The following BICDL1 variants were observed in gnomAD, a reference collection of about 807,000 sequenced individuals.
The protein encoded by BICDL1 is BICD family-like cargo adapter 1.
A neutral mutation model predicts 76.8 loss-of-function variants in BICDL1; 20 were observed. The observed-to-expected ratio is 0.26, with a 90% CI of 0.18 to 0.38. The LOEUF (loss-of-function observed/expected upper bound fraction) is 0.38. BICDL1 is among the 10% of genes least tolerant of loss of function. The pLI is 1.00. For synonymous variants in BICDL1, 383 were observed against 337.1 expected, an observed-to-expected ratio of 1.14 and a Z score of -1.49; for missense variants, 700 against 798.6, an observed-to-expected ratio of 0.88 and a Z score of 1.49.
intron 8 of BICDL1, among the ~76,000 whole-genome samples, chr12:120,081,642 C>T (rs1873999251): frequency 6.6e-6 from 1 of 151,962 alleles, no homozygotes; most frequent in Admixed American, 6.5e-5. Flanking sequence ...AGCCACCACA[C>T]CCGGCCTCCA....
chr12:120,014,273 G>A (rs1275601703), intron 2 of BICDL1, among the ~76,000 whole-genome samples: 1 of 152,166 alleles, frequency 6.6e-6, no homozygotes, highest in Non-Finnish European at 1.5e-5. Context: ...AAGTCAACTC[G>A]AAGCCTTGCA....
chr12:120,008,573 G>T (rs561770258), intron 2 of BICDL1, among the ~76,000 whole-genome samples: 1 of 152,176 alleles, frequency 6.6e-6, no homozygotes, highest in Non-Finnish European at 1.5e-5. Context: ...TTGGCTTTTT[G>T]TAAATCTTCC....
At chr12:120,081,139 C>A (rs551736899) in intron 8 of BICDL1, 122 bp downstream of exon 8, 25,364 of 960,692 alleles carry the variant, frequency 0.026, 456 homozygotes, top group Non-Finnish European at 0.033. Flanking sequence ...AGTTTCCCCG[C>A]TACCCACCCC....
intron 2 of BICDL1, among the ~76,000 whole-genome samples, chr12:120,026,435 T>TC (rs1310096445): frequency 6.6e-6 from 1 of 152,100 alleles, no homozygotes; most frequent in East Asian, 1.9e-4. Flanking sequence ...TAAGTGAAGT[T>TC]CTAAAAAAAA....
chr12:120,085,042 G>A (rs971106927), intron 8 of BICDL1, among the ~76,000 whole-genome samples: 1 of 151,992 alleles, frequency 6.6e-6, no homozygotes, highest in African/African-American at 2.4e-5. Context: ...ATGTCATGGT[G>A]TCTGTCAGTT....
intron 7 of BICDL1, among the ~76,000 whole-genome samples, chr12:120,077,649 C>T (rs955006480): frequency 6.6e-6 from 1 of 152,182 alleles, no homozygotes; most frequent in Non-Finnish European, 1.5e-5. Context: ...GGGCTTCACT[C>T]GCCAAATCTG....
intron 8 of BICDL1, among the ~76,000 whole-genome samples, chr12:120,086,871 CA>C: frequency 6.6e-6 from 1 of 152,352 alleles, no homozygotes; most frequent in Non-Finnish European, 1.5e-5. Flanking sequence ...CCTTGGTGAG[CA>C]AATGTCCCAA....
chr12:120,059,101 A>AT (rs1393378485), intron 2 of BICDL1, among the ~76,000 whole-genome samples: 7 of 149,398 alleles, frequency 4.7e-5, no homozygotes. Flanking sequence ...ATTTTTTTTA[A>AT]TTTTTTCTTT....
intron 2 of BICDL1, among the ~76,000 whole-genome samples, chr12:120,041,824 G>A (rs1952648509): frequency 6.6e-6 from 1 of 152,152 alleles, no homozygotes; most frequent in South Asian, 2.1e-4. Context: ...CAGTATGAGT[G>A]GAACAAAGAG....
intron 1 of BICDL1, among the ~76,000 whole-genome samples, chr12:119,991,805 T>A (rs1951529939): frequency 6.6e-6 from 1 of 152,242 alleles, no homozygotes; most frequent in African/African-American, 2.4e-5. Context: ...TTACATACAT[T>A]CTGGGTTCCA....
chr12:120,025,339 C>G (rs558794838), intron 2 of BICDL1, among the ~76,000 whole-genome samples: 5 of 152,074 alleles, frequency 3.3e-5, no homozygotes, highest in African/African-American at 1.2e-4. Flanking sequence ...CGTGAACCAC[C>G]GCGCCCGGCC....
At chr12:120,074,677 G>A (rs1873397501) in intron 7 of BICDL1, 91 bp downstream of exon 7, 7 of 928,640 alleles carry the variant, frequency 7.5e-6, no homozygotes, top group Non-Finnish European at 9.1e-6. Flanking sequence ...TCCCATTTCT[G>A]TGTGAGAAGT....
At chr12:120,076,659 T>C (rs948362947) in intron 7 of BICDL1, among the ~76,000 whole-genome samples, 2 of 152,200 alleles carry the variant, frequency 1.3e-5, no homozygotes, top group African/African-American at 2.4e-5. Context: ...GTTGTACTCA[T>C]GTCCCACGCG....
At chr12:120,055,086 C>A (rs565542352) in intron 2 of BICDL1, among the ~76,000 whole-genome samples, 1 of 152,146 alleles carries the variant, frequency 6.6e-6, no homozygotes, top group Non-Finnish European at 1.5e-5. Context: ...TCCTCATTGT[C>A]ACTGTCACTG....
chr12:120,074,483 T>G lies in BICDL1; in HGVS notation c.1349T>G (p.Ile450Arg). 1.6e-6 allele frequency: 2 copies of G among 1,273,702 alleles called. No homozygotes were observed. The highest frequency in any genetic ancestry group is 2.0e-6 in the Non-Finnish European group (2 of 982,082). The allele number at this position is 1,273,702 out of a possible 1,614,324, so 78.9% of individuals were successfully genotyped here. The stretch of plus-strand genomic sequence containing the variant: ...GATGATGACTCCTTAGAAGAACAGA[T>G]AAGGCAGACCAGTGAGGACTCGAGA... ...RLDDDSLEEQ[I>R]RQTSEDSRAL... Residue 450 changes from isoleucine to arginine, a missense_variant, in exon 7 of 10, where the codon ATA (isoleucine) becomes AGA (arginine). By Grantham distance (97) the Ile-to-Arg change is moderately conservative. Around this residue, in one of 3 missense-constraint regions of BICDL1, gnomAD observed 455 missense variants for 548.7 expected, o/e 0.83. Transcript: ENST00000548673.
At chr12:120,090,790 TG>T in intron 9 of BICDL1, 1 of 910,252 alleles carries the variant, frequency 1.1e-6, no homozygotes, top group South Asian at 1.4e-5. Flanking sequence ...CCCATGGGGC[TG>T]GCAGCCAGAA....
chr12:120,069,540 T>C (rs1420378230), intron 4 of BICDL1, among the ~76,000 whole-genome samples: 3 of 152,220 alleles, frequency 2.0e-5, no homozygotes, highest in African/African-American at 4.8e-5. Context: ...TTTTCACCTG[T>C]GACTCAACTA....
In BICDL1 at chr12:120,064,306, A is replaced by C. The variant is rs946228898; in HGVS notation, c.763-427A>C. ...GGGGTGTGAAAACACGGCGCTCCAGAGGATTTCCTGGGCATTTTCTTGTGC... is the reference window on the plus strand; with the variant it reads ...GGGGTGTGAAAACACGGCGCTCCAGCGGATTTCCTGGGCATTTTCTTGTGC... On this transcript the variant is annotated intron_variant, in intron 3 of 9. Transcript: ENST00000548673. 1.8e-4 allele frequency among the ~76,000 whole-genome samples: 28 copies of C among 152,124 alleles called. 1 individual carries two copies. Among genetic ancestry groups the C allele is most frequent in the Non-Finnish European group, 4.4e-5 (3 of 68,024 alleles).
intron 2 of BICDL1, among the ~76,000 whole-genome samples, chr12:120,021,609 A>AG (rs1417310671): frequency 9.3e-5 from 13 of 139,442 alleles, no homozygotes; most frequent in African/African-American, 3.3e-4. Flanking sequence ...AAAAAAAAAA[A>AG]AGAGAATCAG....
Sources: gnomAD v4.1 joint callset for allele counts (sites outside exome capture counted in the v4.1 genomes callset) on GRCh38, gnomAD v4.1.1 for gene constraint, gnomAD v4.1.1 regional missense constraint, MANE v1.5 for transcripts, NCBI Gene and HGNC (gene_info 2026-07-23, HGNC 2026-07-21) for gene names.